The following CACNA1C variants were observed in gnomAD, a reference collection of about 807,000 sequenced individuals.
The protein encoded by CACNA1C is calcium voltage-gated channel subunit alpha1 C.
Under a neutral mutation model 229.0 loss-of-function variants are expected in CACNA1C, and 30 were observed. The observed-to-expected ratio is 0.13, with a 90% CI of 0.10 to 0.18. The LOEUF is 0.18. CACNA1C is among the 10% of genes least tolerant of loss of function. CACNA1C has a pLI of 1.00. For missense variants in CACNA1C, 1,658 were observed against 2,845.0 expected (o/e 0.58, Z 9.49); for synonymous variants, 1,114 against 1,132.5 (o/e 0.98, Z 0.33).
chr12:2,324,702 C>T (rs1161289647), intron 3 of CACNA1C, among the ~76,000 whole-genome samples: 1 of 152,144 alleles, frequency 6.6e-6, no homozygotes, highest in Admixed American at 6.5e-5. Flanking sequence ...TAAAAATATG[C>T]AAAGGAAATA....
chr12:2,142,813 A>G (rs2094378222), intron 3 of CACNA1C, among the ~76,000 whole-genome samples: 1 of 151,298 alleles, frequency 6.6e-6, no homozygotes, highest in Admixed American at 6.6e-5. Flanking sequence ...TAGAATATGG[A>G]TAAAAGAAAA....
At chr12:2,100,879 T>C (rs1399326385) in intron 1 of CACNA1C, among the ~76,000 whole-genome samples, 1 of 151,434 alleles carries the variant, frequency 6.6e-6, no homozygotes. Context: ...AGGGTGTCTC[T>C]ACTAAAAACA....
At chr12:2,463,798 C>T (rs1415423404) in intron 5 of CACNA1C, among the ~76,000 whole-genome samples, 1 of 152,136 alleles carries the variant, frequency 6.6e-6, no homozygotes. Context: ...AAGATTTGGC[C>T]ATTTGGCTTC....
Position 2,507,441 on chromosome 12 carries a change from G to A in CACNA1C, c.1217+2496G>A, listed in dbSNP as rs952690060. On this transcript the variant is annotated intron_variant, in intron 8 of 46. Transcript: ENST00000399655. Reference sequence around the variant, plus strand: ...TGTTGGCTGACCACTCAGAGGCAACGGTTTCCAGTCAGTGTCTTGATTAGC... The same window carrying A: ...TGTTGGCTGACCACTCAGAGGCAACAGTTTCCAGTCAGTGTCTTGATTAGC... 7.2e-5 allele frequency among the ~76,000 whole-genome samples: 11 copies of A among 152,198 alleles called. No homozygotes were observed. In the South Asian group the frequency reaches 1.0e-3, roughly 14 times the overall value.
chr12:2,380,872 A>G (rs2098224503), intron 3 of CACNA1C, among the ~76,000 whole-genome samples: 1 of 152,144 alleles, frequency 6.6e-6, no homozygotes, highest in African/African-American at 2.4e-5. Context: ...CGTAAGATGG[A>G]TGGTGTCCTA....
At chr12:2,396,763 A>G (rs940240370) in intron 3 of CACNA1C, among the ~76,000 whole-genome samples, 2 of 152,266 alleles carry the variant, frequency 1.3e-5, no homozygotes, top group Non-Finnish European at 2.9e-5. Flanking sequence ...ATGTTTCATT[A>G]GCGGTTTTCT....
At chr12:2,279,881 A>C (rs1021143610) in intron 3 of CACNA1C, among the ~76,000 whole-genome samples, 11 of 152,252 alleles carry the variant, frequency 7.2e-5, no homozygotes, top group African/African-American at 2.7e-4. Context: ...ACCATTTTAT[A>C]TAAGGGACAT....
chr12:2,482,397 T>A lies in CACNA1C; in HGVS notation c.758-3707T>A, dbSNP rs146051879. 8.2e-3 allele frequency among the ~76,000 whole-genome samples: 1,253 copies of A among 152,344 alleles called. 15 individuals are homozygous for A. Among genetic ancestry groups the A allele is most frequent in the African/African-American group, 0.029 (1,189 of 41,590 alleles). On this transcript the variant is annotated intron_variant, in intron 5 of 46. Transcript: ENST00000399655. Reference sequence around the variant, plus strand: ...GCCATGGGCTAGGAGCCAGACCACCTGGCACTGAGCCCTGTGCCACCACTT... The same window carrying A: ...GCCATGGGCTAGGAGCCAGACCACCAGGCACTGAGCCCTGTGCCACCACTT...
intron 3 of CACNA1C, among the ~76,000 whole-genome samples, chr12:2,199,292 A>G (rs940664028): frequency 6.6e-5 from 10 of 152,038 alleles, no homozygotes; most frequent in Non-Finnish European, 1.0e-4. Context: ...TTACACGTGG[A>G]TTTCCTTCCA....
At chr12:2,135,535 C>T (rs1449716851) in intron 3 of CACNA1C, among the ~76,000 whole-genome samples, 13 of 131,770 alleles carry the variant, frequency 9.9e-5, no homozygotes, top group East Asian at 2.1e-4. Context: ...AGACAGGACC[C>T]TCAGCTGCAG....
At chr12:1,985,507 T>C (rs118109821) in intron 1 of CACNA1C, among the ~76,000 whole-genome samples, 4,144 of 152,296 alleles carry the variant, frequency 0.027, 94 homozygotes, top group Middle Eastern at 0.054. Context: ...TTTTCAAGAG[T>C]ATCCAGTTTT....
At position 2,108,592 on chromosome 12, in the gene CACNA1C, G is replaced by A. The variant is rs1380344701; in HGVS notation, c.50-6632G>A. On this transcript the variant is annotated intron_variant, in intron 1 of 46. Coordinates refer to ENST00000399655, the MANE Select transcript of CACNA1C (RefSeq NM_000719.7). The surrounding 1 kb of genome is among the most constrained non-coding windows in gnomAD (Gnocchi z 5.3). ...AGCCCTCTGGCCCCTGCAGTCCAGC[G>A]GGGCACCGTAGGAGGAGGGTGGAAG... Among the ~76,000 whole-genome samples the A allele has an allele frequency of 1.3e-5, 2 of 152,184 alleles. No homozygotes were observed. Among genetic ancestry groups the A allele is most frequent in the African/African-American group, 4.8e-5 (2 of 41,436 alleles).
intron 29 of CACNA1C, among the ~76,000 whole-genome samples, chr12:2,624,926 C>T (rs751071346): frequency 6.6e-6 from 1 of 152,236 alleles, no homozygotes; most frequent in Non-Finnish European, 1.5e-5. Flanking sequence ...GCAACTCTTG[C>T]CCCAGCCTTC....
intron 3 of CACNA1C, among the ~76,000 whole-genome samples, chr12:2,254,378 A>T (rs1248311151): frequency 6.6e-6 from 1 of 152,176 alleles, no homozygotes; most frequent in South Asian, 2.1e-4. Context: ...CTTCCATTTC[A>T]TGTCTTCCTT....
chr12:2,519,765 A>T (rs1035368462), intron 9 of CACNA1C, among the ~76,000 whole-genome samples: 21 of 152,148 alleles, frequency 1.4e-4, no homozygotes, highest in Admixed American at 6.5e-5. Flanking sequence ...GGTCCTGTGG[A>T]CTTGGTGTTG....
chr12:1,999,111 A>C (rs1019358431), intron 1 of CACNA1C, among the ~76,000 whole-genome samples: 2 of 152,220 alleles, frequency 1.3e-5, no homozygotes. Context: ...CTTATTAGAA[A>C]TGCAAGCTCT....
intron 1 of CACNA1C, among the ~76,000 whole-genome samples, chr12:2,065,303 T>C (rs2058927044): frequency 6.6e-6 from 1 of 152,204 alleles, no homozygotes; most frequent in Admixed American, 6.5e-5. Flanking sequence ...TGCCCAGCTG[T>C]CTGAAAGACC....
intron 1 of CACNA1C, among the ~76,000 whole-genome samples, chr12:2,035,769 C>T (rs2049031227): frequency 6.6e-6 from 1 of 152,246 alleles, no homozygotes; most frequent in Non-Finnish European, 1.5e-5. Flanking sequence ...CCATCTCAGA[C>T]AGATGGTTAA....
chr12:2,115,129 T>C, intron 1 of CACNA1C, 95 bp from the exon 2 acceptor site: 2 of 1,016,544 alleles, frequency 2.0e-6, no homozygotes, highest in South Asian at 1.7e-5. Context: ...TGAAATAAGG[T>C]TTTGAAAAAA....
Sources: gnomAD v4.1 joint callset for allele counts (sites outside exome capture counted in the v4.1 genomes callset) on GRCh38, gnomAD v4.1.1 for gene constraint, Gnocchi (gnomAD v3.1) non-coding constraint, MANE v1.5 for transcripts, NCBI Gene and HGNC (gene_info 2026-07-23, HGNC 2026-07-21) for gene names.